The following UNKL variants were observed in gnomAD, a reference collection of about 807,000 sequenced individuals.
UNKL encodes the protein unk like zinc finger.
Under a neutral mutation model 78.0 loss-of-function variants are expected in UNKL, and 60 were observed. The observed-to-expected ratio is 0.77, with a 90% CI of 0.63 to 0.95. The LOEUF is 0.95. Among genes scored for constraint, UNKL ranks in the 40% least tolerant of loss-of-function variants. UNKL has a pLI of 0.00. For missense variants in UNKL, 1,159 were observed against 1,045.7 expected (o/e 1.11, Z -1.49); for synonymous variants, 608 against 474.8 (o/e 1.28, Z -3.65).
At position 1,399,300 on chromosome 16, in the gene UNKL, TG is replaced by T. The variant is rs1240198405; in HGVS notation, c.734+73del. ...CAGCCCTCCCATTAGAACCCCGGGG[TG>T]GGCAACGCGAGCCACGGGCCGGGAA... On this transcript the variant is annotated intron_variant, in intron 5 of 14. Transcript: ENST00000389221. This position sits in a 1 kb window ranked among gnomAD's most constrained non-coding sequence, Gnocchi z 5.8. 7 of 1,448,444 alleles carry T rather than the reference TG, an allele frequency of 4.8e-6. No individual in the cohort carries two copies. Among genetic ancestry groups the T allele is most frequent in the Non-Finnish European group, 6.3e-6 (7 of 1,102,540 alleles). The allele number at this position is 1,448,444 out of a possible 1,614,324, so 89.7% of individuals were successfully genotyped here.
chr16:1,367,095 G>A lies in UNKL; in HGVS notation c.2043C>T (p.Asp681=), dbSNP rs758557247. The A allele has an allele frequency of 1.8e-5, 28 of 1,560,060 alleles. No individual in the cohort carries two copies. Among genetic ancestry groups the A allele is most frequent in the Middle Eastern group, 3.4e-4 (2 of 5,848 alleles). ...SQLRLDLEAV[D]GVIFQLRAKQ... The stretch of plus-strand genomic sequence containing the variant: ...CCCTGCCCAGAGCAGGACTCACGCC[G>A]TCCACCGCCTCCAGGTCCAGGCGCA... Residue 681 remains aspartate (D), a synonymous_variant, in exon 14 of 15, where the codon GAC becomes GAT. Coordinates refer to ENST00000389221, the MANE Select transcript of UNKL (RefSeq NM_001372107.1).
At chr16:1,408,383 C>G (rs2037873726) in intron 2 of UNKL, 1 of 152,754 alleles carries the variant, frequency 6.5e-6, no homozygotes, top group South Asian at 2.0e-4. Context: ...CTTTCCCGAG[C>G]GGGGCGGGGC....
rs2035060893 is a variant in UNKL, at chr16:1,364,331, C to T, written c.*1909G>A. 6.6e-6 allele frequency: 1 copy of T among 152,224 alleles called. No homozygotes were observed. Among genetic ancestry groups the T allele is most frequent in the Non-Finnish European group, 1.5e-5 (1 of 68,052 alleles). 9.4% of individuals were successfully genotyped at this position (152,224 alleles called of 1,614,324 possible). A position where few individuals can be genotyped will look rare whatever the true frequency, so the allele number is the denominator to read the frequency against. ...CTTAAACCACCTACTATATTAAATA[C>T]ATTCTAATTTGGTCACTGATGATAA... On this transcript the variant is annotated 3_prime_UTR_variant, in exon 15 of 15. Transcript: ENST00000389221.
intron 2 of UNKL, among the ~76,000 whole-genome samples, chr16:1,413,318 C>T (rs956047205): frequency 6.7e-6 from 1 of 150,300 alleles, no homozygotes; most frequent in African/African-American, 2.5e-5. Context: ...CCTGTCATCC[C>T]AGCACTTTGG....
At chr16:1,396,824 T>C (rs546786726) in intron 6 of UNKL, among the ~76,000 whole-genome samples, 5 of 152,292 alleles carry the variant, frequency 3.3e-5, no homozygotes, top group Non-Finnish European at 5.9e-5. Context: ...GATCTCGTTA[T>C]CCAGCTGCCT....
At chr16:1,385,499 G>A (rs1002958297) in intron 9 of UNKL, 114 bp from the exon 10 acceptor site, 10 of 1,097,266 alleles carry the variant, frequency 9.1e-6, no homozygotes, top group African/African-American at 3.3e-5. Flanking sequence ...ACGCCCTGGC[G>A]AGGCCCAGGG....
At chr16:1,371,464 C>A (rs1464060884) in intron 11 of UNKL, 55 bp downstream of exon 11, 1 of 1,511,020 alleles carries the variant, frequency 6.6e-7, no homozygotes, top group Non-Finnish European at 8.9e-7. Flanking sequence ...CCGGCCACAG[C>A]ACTTGGCTGT....
intron 5 of UNKL, among the ~76,000 whole-genome samples, chr16:1,398,046 G>A (rs1051865690): frequency 3.9e-5 from 6 of 152,228 alleles, no homozygotes; most frequent in South Asian, 2.1e-4. Context: ...CCACCCTCAC[G>A]GACGTGGAGA....
At chr16:1,379,291 TTCCCCTGCCCTCTCCTGCCCCGC>T in intron 10 of UNKL, 1 of 173,764 alleles carries the variant, frequency 5.8e-6, no homozygotes, top group Non-Finnish European at 1.1e-5. Context: ...CCCCGCCCCG[TTCCCCTGCCCTCTCCTGCCCCGC>T]TCCGCTCCGC....
intron 10 of UNKL, chr16:1,383,587 G>A (rs9635640): frequency 2.7e-6 from 1 of 363,866 alleles, no homozygotes; most frequent in Non-Finnish European, 5.7e-6. Context: ...CCGCTGGGAA[G>A]AGTCTCTCTC....
intron 6 of UNKL, among the ~76,000 whole-genome samples, chr16:1,396,412 G>A (rs935776554): frequency 4.7e-4 from 70 of 148,068 alleles, no homozygotes; most frequent in African/African-American, 1.7e-3. Flanking sequence ...TCAGCCTCCC[G>A]AGTAGCTAGG....
intron 2 of UNKL, chr16:1,411,971 G>A (rs1284848884): frequency 6.6e-6 from 1 of 152,150 alleles, no homozygotes; most frequent in East Asian, 1.9e-4. Flanking sequence ...GACTTCACAA[G>A]GATCTCCGTG....
At chr16:1,388,835 G>A (rs565345856) in intron 9 of UNKL, among the ~76,000 whole-genome samples, 14 of 151,934 alleles carry the variant, frequency 9.2e-5, no homozygotes, top group South Asian at 8.3e-4. Context: ...CGTTCGCCCC[G>A]TGGGGACAGC....
At chr16:1,409,950 C>T (rs990187075) in intron 2 of UNKL, among the ~76,000 whole-genome samples, 1 of 152,026 alleles carries the variant, frequency 6.6e-6, no homozygotes, top group Non-Finnish European at 1.5e-5. Context: ...CATGGTGGCA[C>T]ACGCCTGTAA....
At chr16:1,376,668 A>C (rs1032413208) in intron 10 of UNKL, among the ~76,000 whole-genome samples, 1 of 150,498 alleles carries the variant, frequency 6.6e-6, no homozygotes, top group African/African-American at 2.4e-5. Flanking sequence ...ACCCTGCAGT[A>C]GCACCCTGCG....
At position 1,401,759 on chromosome 16, in the gene UNKL, C is replaced by T. The variant is rs573461421; in HGVS notation, c.465-58G>A. The T allele has an allele frequency of 1.5e-3, 2,346 of 1,556,714 alleles. 6 individuals carry two copies. Among genetic ancestry groups the T allele is most frequent in the Non-Finnish European group, 1.5e-3 (1,706 of 1,149,842 alleles). On this transcript the variant is annotated intron_variant, in intron 3 of 14. Transcript: ENST00000389221. Reference sequence around the variant, plus strand: ...GCATCTGGAGCCTCCAAAGCTGAAACGAGGTCACTGGAGGGCACGCTCCCC... The same window carrying T: ...GCATCTGGAGCCTCCAAAGCTGAAATGAGGTCACTGGAGGGCACGCTCCCC...
chr16:1,389,294 T>C (rs7200378), intron 9 of UNKL, among the ~76,000 whole-genome samples: 143,479 of 152,252 alleles, frequency 0.94, 67,662 homozygotes, highest in East Asian at 1. Context: ...TAAGGTGAAA[T>C]GAGTTCTTAC....
chr16:1,377,179 C>T (rs2036300285), intron 10 of UNKL, among the ~76,000 whole-genome samples: 1 of 152,170 alleles, frequency 6.6e-6, no homozygotes, highest in Non-Finnish European at 1.5e-5. Flanking sequence ...CCCTCCACCA[C>T]CCCCAGCTAA....
At chr16:1,369,906 C>T (rs532223457) in intron 12 of UNKL, 25 of 1,525,850 alleles carry the variant, frequency 1.6e-5, no homozygotes, top group Admixed American at 3.9e-5. Context: ...ACCTGGGAGG[C>T]GGAGGTTGCG....
Sources: allele counts gnomAD v4.1 joint callset (sites outside exome capture counted in the v4.1 genomes callset), GRCh38; gene constraint gnomAD v4.1.1; non-coding constraint Gnocchi (gnomAD v3.1); transcripts MANE v1.5; gene names NCBI Gene and HGNC (gene_info 2026-07-23, HGNC 2026-07-21).